The following SYT1 variants were observed in gnomAD, a reference collection of about 807,000 sequenced individuals.
SYT1 encodes the protein synaptotagmin-1.
SYT1 carries 8 observed loss-of-function variants against 44.8 expected under a neutral mutation model. The observed-to-expected ratio is 0.18, with a 90% confidence interval of 0.10 to 0.32. The LOEUF (loss-of-function observed/expected upper bound fraction) is 0.32, where lower values mean the gene tolerates loss of function less well. SYT1 is among the 10% of genes least tolerant of loss of function. The pLI is 1.00. For missense variants in SYT1, 286 were observed against 509.3 expected (o/e 0.56, Z 4.22); for synonymous variants, 154 against 188.8 (o/e 0.82, Z 1.51).
chr12:79,077,135 C>G (rs757465549), intron 3 of SYT1, among the ~76,000 whole-genome samples: 5 of 152,042 alleles, frequency 3.3e-5, no homozygotes, highest in Non-Finnish European at 7.4e-5. Flanking sequence ...TGCTGCTGCC[C>G]TGAGCTCTCT....
chr12:79,276,805 G>T (rs1238472652), intron 4 of SYT1, among the ~76,000 whole-genome samples: 1 of 151,932 alleles, frequency 6.6e-6, no homozygotes, highest in Non-Finnish European at 1.5e-5. Context: ...TGAAGATGAG[G>T]CTTTTAAGTT....
chr12:79,276,186 C>G (rs1242935692), intron 4 of SYT1, among the ~76,000 whole-genome samples: 1 of 151,968 alleles, frequency 6.6e-6, no homozygotes, highest in Admixed American at 6.6e-5. Context: ...CAAAAGATCA[C>G]CCTAACTCTC....
intron 8 of SYT1, among the ~76,000 whole-genome samples, chr12:79,343,625 T>C (rs1882473313): frequency 1.3e-5 from 2 of 152,220 alleles, no homozygotes; most frequent in South Asian, 4.1e-4. Context: ...ATTTTAATGT[T>C]GAAAGAAAGA....
chr12:79,081,016 T>C (rs1876997313), intron 3 of SYT1, among the ~76,000 whole-genome samples: 1 of 152,158 alleles, frequency 6.6e-6, no homozygotes, highest in Non-Finnish European at 1.5e-5. Context: ...ACTCTTCAGA[T>C]GGTATAGAGC....
intron 4 of SYT1, among the ~76,000 whole-genome samples, chr12:79,266,820 A>T (rs1018862562): frequency 1.3e-5 from 2 of 152,226 alleles, no homozygotes; most frequent in Admixed American, 1.3e-4. Flanking sequence ...GGTCTGTAGC[A>T]GCACAAATCC....
chr12:78,989,159 T>G lies in SYT1; in HGVS notation c.-84+11228T>G, dbSNP rs1189311294. Among the ~76,000 whole-genome samples the G allele has an allele frequency of 3.3e-5, 5 of 151,946 alleles. No individual in the cohort carries two copies. The East Asian group carries it at 9.7e-4, about 30-fold the overall frequency. ...AACGGGTAGGGGAGGAGAAAACAAA[T>G]TTTGTTTTTATATGTTAGGTTTGAG... is the stretch of plus-strand genomic sequence containing the variant. On this transcript the variant is annotated intron_variant, in intron 2 of 10. Transcript: ENST00000261205.
At chr12:78,914,192 A>C (rs1876510245) in intron 1 of SYT1, among the ~76,000 whole-genome samples, 1 of 151,886 alleles carries the variant, frequency 6.6e-6, no homozygotes, top group African/African-American at 2.4e-5. Flanking sequence ...GTAAATTTTC[A>C]AAGGGGCATT....
At chr12:79,023,229 T>C (rs533729284) in intron 2 of SYT1, among the ~76,000 whole-genome samples, 16 of 151,632 alleles carry the variant, frequency 1.1e-4, no homozygotes, top group African/African-American at 3.9e-4. Context: ...TATAAAAGAG[T>C]TGAAGTAGGA....
intron 8 of SYT1, among the ~76,000 whole-genome samples, chr12:79,344,851 T>C (rs1882535785): frequency 6.6e-6 from 1 of 152,228 alleles, no homozygotes; most frequent in South Asian, 2.1e-4. Flanking sequence ...TTATTTCTAA[T>C]GGGACCACAA....
intron 3 of SYT1, among the ~76,000 whole-genome samples, chr12:79,203,880 G>A (rs1386672429): frequency 2.6e-5 from 4 of 152,262 alleles, no homozygotes; most frequent in African/African-American, 9.6e-5. Context: ...TGCGTACATG[G>A]CTGTATCCCC....
chr12:79,222,324 A>G (rs897449406), intron 4 of SYT1, among the ~76,000 whole-genome samples: 10 of 151,810 alleles, frequency 6.6e-5, no homozygotes, highest in African/African-American at 2.2e-4. Context: ...GTATCTGGAT[A>G]CTTACATCTT....
chr12:79,338,974 C>T (rs1882227912), intron 8 of SYT1, among the ~76,000 whole-genome samples: 1 of 152,130 alleles, frequency 6.6e-6, no homozygotes, highest in South Asian at 2.1e-4. Context: ...CAGCTTCATC[C>T]ATGTCACTAC....
chr12:79,252,534 A>G (rs1191751747), intron 4 of SYT1, among the ~76,000 whole-genome samples: 1 of 152,158 alleles, frequency 6.6e-6, no homozygotes, highest in African/African-American at 2.4e-5. Context: ...AATGGAAGTG[A>G]TATGCTTCAC....
chr12:79,092,443 A>T (rs1000382190), intron 3 of SYT1, among the ~76,000 whole-genome samples: 1 of 151,812 alleles, frequency 6.6e-6, no homozygotes, highest in Non-Finnish European at 1.5e-5. Context: ...GAGAAAAAAA[A>T]ATTTCAATTC....
chr12:79,218,521 T>C (rs183336568), intron 4 of SYT1, among the ~76,000 whole-genome samples: 5 of 152,150 alleles, frequency 3.3e-5, no homozygotes, highest in Non-Finnish European at 7.4e-5. Context: ...ATCTCCCCAA[T>C]TGCCACCTCC....
intron 9 of SYT1, among the ~76,000 whole-genome samples, chr12:79,396,673 C>T (rs906006133): frequency 4.6e-5 from 7 of 152,106 alleles, no homozygotes; most frequent in Non-Finnish European, 1.0e-4. Context: ...GTGGAGAAAA[C>T]TGTGACTCAA....
intron 8 of SYT1, among the ~76,000 whole-genome samples, chr12:79,347,831 A>C (rs1390981205): frequency 6.6e-6 from 1 of 152,178 alleles, no homozygotes; most frequent in African/African-American, 2.4e-5. Flanking sequence ...AAAAAGAAGC[A>C]GGGCAAGAGG....
chr12:79,236,766 C>G (rs752314628), intron 4 of SYT1, among the ~76,000 whole-genome samples: 6 of 152,128 alleles, frequency 3.9e-5, no homozygotes, highest in African/African-American at 1.4e-4. Context: ...AATAAGCCAT[C>G]ATTCTTACAA....
intron 2 of SYT1, among the ~76,000 whole-genome samples, chr12:79,007,392 C>A (rs541082747): frequency 6.6e-6 from 1 of 151,972 alleles, no homozygotes; most frequent in Non-Finnish European, 1.5e-5. Flanking sequence ...AAACTATTTT[C>A]CTAGAGGGTG....
Sources: allele counts gnomAD v4.1 joint callset (sites outside exome capture counted in the v4.1 genomes callset), GRCh38; gene constraint gnomAD v4.1.1; transcripts MANE v1.5; gene names NCBI Gene and HGNC (gene_info 2026-07-23, HGNC 2026-07-21).